ARHGAP21: variants seen among roughly 807,000 people sequenced by gnomAD.
ARHGAP21 encodes Rho GTPase activating protein 21.
In ARHGAP21, 38 loss-of-function variants were observed where a neutral mutation model predicts 164.6. The observed-to-expected ratio is 0.23, with a 90% CI of 0.18 to 0.30. The LOEUF is 0.30. ARHGAP21 is among the 10% of genes least tolerant of loss of function. The probability of loss-of-function intolerance (pLI) is 1.00; values close to 1 mark genes in which losing one functional copy is unlikely to be tolerated. For synonymous variants in ARHGAP21, 766 were observed against 857.9 expected (o/e 0.89, Z 1.87); for missense variants, 1,822 against 2,370.7 (o/e 0.77, Z 4.81).
At chr10:24,648,169 C>A (rs373172748) in intron 4 of ARHGAP21, among the ~76,000 whole-genome samples, 1 of 152,104 alleles carries the variant, frequency 6.6e-6, no homozygotes, top group African/African-American at 2.4e-5. Context: ...CTTTGCCTCT[C>A]GTTTCTCTAT....
intron 14 of ARHGAP21, 116 bp downstream of exon 14, chr10:24,600,530 C>T: frequency 7.8e-7 from 1 of 1,278,268 alleles, no homozygotes; most frequent in Non-Finnish European, 1.1e-6. Flanking sequence ...AACTGTTTTA[C>T]ATGAAAATAG....
At position 24,648,801 on chromosome 10, in the gene ARHGAP21, T is replaced by C. The variant is rs546958887; in HGVS notation, c.269-13698A>G. ...TCTCAAAAAAAAAAAAAAAAAATCA[T>C]CATAGGTCAAAATGTATATATATTC... On this transcript the variant is annotated intron_variant, in intron 4 of 25. Coordinates refer to ENST00000396432, the MANE Select transcript of ARHGAP21 (RefSeq NM_020824.4). 9.7e-5 allele frequency: 84 copies of C among 862,786 alleles called. 1 individual carries two copies. The South Asian group carries it at 3.4e-3, about 35-fold the overall frequency. 53.4% of individuals were successfully genotyped at this position (862,786 alleles called of 1,614,324 possible). A position where few individuals can be genotyped will look rare whatever the true frequency, so the allele number is the denominator to read the frequency against.
chr10:24,648,863 G>A (rs1284606879), intron 4 of ARHGAP21: 2 of 984,578 alleles, frequency 2.0e-6, no homozygotes, highest in Admixed American at 1.2e-4. Context: ...AGGCTCCCAA[G>A]TGTTTTAATC....
rs1321378542 is a variant in ARHGAP21 at position 24,601,028 on chromosome 10, A to G, written c.2848-98T>C. Reference sequence around the variant, plus strand: ...CAACACCCTTCCTCTGCATTTACATATAACTAGTGTAGCAGGTGGCAGATT... The same window carrying G: ...CAACACCCTTCCTCTGCATTTACATGTAACTAGTGTAGCAGGTGGCAGATT... On this transcript the variant is annotated intron_variant, in intron 13 of 25. Transcript: ENST00000396432. The G allele has an allele frequency of 5.8e-6, 8 of 1,388,304 alleles. No homozygotes were observed. In the East Asian group the frequency reaches 6.9e-5, roughly 12 times the overall value. 86.0% of individuals were successfully genotyped at this position (1,388,304 alleles called of 1,614,324 possible).
intron 2 of ARHGAP21, among the ~76,000 whole-genome samples, chr10:24,715,697 A>G (rs1845307305): frequency 6.6e-6 from 1 of 152,230 alleles, no homozygotes; most frequent in African/African-American, 2.4e-5. Context: ...CATACTGTAC[A>G]TATTTTATAT....
At position 24,714,949 on chromosome 10, in the gene ARHGAP21, G is replaced by A. The variant is rs147188571; in HGVS notation, c.63+6888C>T. Among the ~76,000 whole-genome samples the A allele has an allele frequency of 8.9e-3, 1,350 of 151,404 alleles. 47 individuals are homozygous for A. Among genetic ancestry groups the A allele is most frequent in the Admixed American group, 0.068 (1,028 of 15,200 alleles). On this transcript the variant is annotated intron_variant, in intron 2 of 25. Transcript: ENST00000396432. ...GGAGGCTGAGGCAGGAGAAAGGCAT[G>A]AGCCCGCGAGGCAGAGCTTTCAGTG...
rs187046142 is a variant in ARHGAP21, at chr10:24,650,517, A to G, written c.269-15414T>C. 5.8e-4 allele frequency among the ~76,000 whole-genome samples: 88 copies of G among 152,366 alleles called. 1 individual carries two copies. The highest frequency in any genetic ancestry group is 1.7e-3 in the African/African-American group (69 of 41,586). On this transcript the variant is annotated intron_variant, in intron 4 of 25. Transcript: ENST00000396432. The stretch of plus-strand genomic sequence containing the variant: ...CTAGGATAACCACTGAAAGAAGGGT[A>G]ATAATGTTCTTTAACCTTTCAAGTA...
intron 25 of ARHGAP21, among the ~76,000 whole-genome samples, chr10:24,587,174 G>A (rs894684234): frequency 6.6e-6 from 1 of 152,048 alleles, no homozygotes; most frequent in African/African-American, 2.4e-5. Context: ...TTTTAAGATG[G>A]AGTTTCACCA....
chr10:24,624,002 T>C (rs1010984097), intron 7 of ARHGAP21, among the ~76,000 whole-genome samples: 1 of 152,204 alleles, frequency 6.6e-6, no homozygotes, highest in Non-Finnish European at 1.5e-5. Flanking sequence ...ATATTTTACA[T>C]ACTTCAGACA....
At chr10:24,624,337 C>CTTT (rs565872094) in intron 7 of ARHGAP21, among the ~76,000 whole-genome samples, 5 of 102,890 alleles carry the variant, frequency 4.9e-5, no homozygotes, top group African/African-American at 7.9e-5. Context: ...TGTTCTAGAA[C>CTTT]TTTTTTTTTT....
At chr10:24,711,343 C>A (rs556624048) in intron 2 of ARHGAP21, among the ~76,000 whole-genome samples, 32 of 151,036 alleles carry the variant, frequency 2.1e-4, no homozygotes, top group Admixed American at 7.9e-4. Flanking sequence ...AACCACTAAA[C>A]GAAAAGTTCA....
chr10:24,695,093 A>C (rs1405891810), intron 2 of ARHGAP21, among the ~76,000 whole-genome samples: 4 of 139,538 alleles, frequency 2.9e-5, no homozygotes, highest in East Asian at 2.1e-4. Flanking sequence ...AAAAAAAAAA[A>C]AAACGAAAAG....
rs146330747 is a variant in ARHGAP21, at chr10:24,584,504, C to T, written c.5785G>A (p.Val1929Met). 3,077 of 1,613,914 alleles carry T rather than the reference C, an allele frequency of 1.9e-3. 4 individuals carry two copies. The highest frequency in any genetic ancestry group is 2.2e-3 in the Non-Finnish European group (2,615 of 1,179,858). Residue 1929 changes from valine to methionine, a missense_variant, in exon 26 of 26, where the codon GTG becomes ATG. Coordinates refer to ENST00000396432, the MANE Select transcript of ARHGAP21 (RefSeq NM_020824.4). ...GCTGCAGAACTAGCATTTTTGCTCA[C>T]GTTCTGGAAGCTTTCTCCGTTTATT... ...DQINGESFQN[V>M]SKNASSAANA...
chr10:24,689,922 A>G (rs541395853), intron 2 of ARHGAP21, among the ~76,000 whole-genome samples: 20 of 134,278 alleles, frequency 1.5e-4, no homozygotes, highest in Non-Finnish European at 2.7e-4. Context: ...ATATATGTAT[A>G]TGTATGTATA....
intron 17 of ARHGAP21, chr10:24,596,336 G>A (rs780618788): frequency 9.3e-6 from 4 of 431,070 alleles, no homozygotes; most frequent in Non-Finnish European, 1.6e-5. Flanking sequence ...TGAATAAAGA[G>A]TCAAGAAAAG....
chr10:24,689,112 A>C (rs1441516281), intron 2 of ARHGAP21, among the ~76,000 whole-genome samples: 1 of 152,146 alleles, frequency 6.6e-6, no homozygotes, highest in East Asian at 1.9e-4. Flanking sequence ...ACAAATACAG[A>C]CACTGAGTCC....
chr10:24,591,166 T>C (rs1407317739), intron 24 of ARHGAP21, 59 bp downstream of exon 24: 29 of 1,361,372 alleles, frequency 2.1e-5, no homozygotes, highest in Non-Finnish European at 2.9e-5. Context: ...ATTTGCTCTT[T>C]CATATTGTAA....
chr10:24,585,518 A>C lies in ARHGAP21; in HGVS notation c.4771T>G (p.Ser1591Ala). Residue 1591 changes from serine to alanine, a missense_variant, in exon 26 of 26, where the codon TCG becomes GCG. Coordinates refer to ENST00000396432, the MANE Select transcript of ARHGAP21 (RefSeq NM_020824.4). ...STITSDYSTTSSATYLTSLDS... is the reference protein window; with the variant it reads ...STITSDYSTTASATYLTSLDS... ...AGGCTAGTCAAGTATGTAGCAGACG[A>C]TGTGGTGGAATAATCTGAGGTGATG... 6.2e-7 allele frequency: 1 copy of C among 1,614,110 alleles called. No homozygotes were observed. Among genetic ancestry groups the C allele is most frequent in the Non-Finnish European group, 8.5e-7 (1 of 1,180,020 alleles).
At chr10:24,697,888 A>G (rs542768485) in intron 2 of ARHGAP21, among the ~76,000 whole-genome samples, 14 of 152,052 alleles carry the variant, frequency 9.2e-5, no homozygotes, top group African/African-American at 3.1e-4. Context: ...AAAAAAATAA[A>G]AAAACCCGAT....
Sources: allele counts gnomAD v4.1 joint callset (sites outside exome capture counted in the v4.1 genomes callset), GRCh38; gene constraint gnomAD v4.1.1; transcripts MANE v1.5; gene names NCBI Gene and HGNC (gene_info 2026-07-23, HGNC 2026-07-21).